The following SLC26A5 variants were observed in gnomAD, a reference collection of about 807,000 sequenced individuals.
The protein encoded by SLC26A5 is prestin.
SLC26A5 carries 51 observed loss-of-function variants against 81.0 expected under a neutral mutation model. That is an observed-to-expected ratio of 0.63 (90% CI 0.50 to 0.80). The LOEUF (loss-of-function observed/expected upper bound fraction) is 0.80, where lower values mean the gene tolerates loss of function less well. SLC26A5 is among the 30% of genes least tolerant of loss of function. SLC26A5 has a pLI of 0.00. For missense variants in SLC26A5, 771 were observed against 905.8 expected, an observed-to-expected ratio of 0.85 and a Z score of 1.91; for synonymous variants, 325 against 332.8, an observed-to-expected ratio of 0.98 and a Z score of 0.25.
intron 9 of SLC26A5, 136 bp from the exon 10 acceptor site, chr7:103,393,202 T>C: frequency 8.8e-7 from 1 of 1,139,896 alleles, no homozygotes; most frequent in Non-Finnish European, 1.2e-6. Context: ...TTATTTGCTC[T>C]GGTTGGCAAA....
chr7:103,390,978 G>A (rs190945363), intron 11 of SLC26A5, among the ~76,000 whole-genome samples: 10 of 150,508 alleles, frequency 6.6e-5, no homozygotes, highest in East Asian at 5.9e-4. Flanking sequence ...CGATTCTCCC[G>A]CCTCAGCCTC....
chr7:103,383,547 T>C (rs1291628359), intron 14 of SLC26A5, among the ~76,000 whole-genome samples: 10 of 152,216 alleles, frequency 6.6e-5, no homozygotes, highest in Non-Finnish European at 1.5e-4. Flanking sequence ...AAAGTCTCTT[T>C]TAATGAAATC....
intron 8 of SLC26A5, among the ~76,000 whole-genome samples, chr7:103,401,488 T>C (rs149631637): frequency 2.0e-5 from 3 of 152,318 alleles, no homozygotes; most frequent in African/African-American, 7.2e-5. Flanking sequence ...TTTCTAAATA[T>C]AAAATAATGT....
intron 3 of SLC26A5, 67 bp downstream of exon 3, chr7:103,421,296 A>C (rs943186441): frequency 6.5e-7 from 1 of 1,547,670 alleles, no homozygotes; most frequent in African/African-American, 1.4e-5. Context: ...TTTTCTTTAC[A>C]CATTTGACCT....
chr7:103,359,567 A>G (rs760267027), intron 19 of SLC26A5, among the ~76,000 whole-genome samples: 3 of 152,178 alleles, frequency 2.0e-5, no homozygotes, highest in Non-Finnish European at 4.4e-5. Flanking sequence ...TGGACATATC[A>G]TCTAAATGGA....
chr7:103,422,735 G>T (rs1825442000), intron 2 of SLC26A5, among the ~76,000 whole-genome samples: 1 of 152,146 alleles, frequency 6.6e-6, no homozygotes, highest in Non-Finnish European at 1.5e-5. Flanking sequence ...TTACATGATT[G>T]TACTTGTCTG....
intron 19 of SLC26A5, among the ~76,000 whole-genome samples, chr7:103,375,173 T>A (rs1449059667): frequency 6.7e-6 from 1 of 149,662 alleles, no homozygotes; most frequent in African/African-American, 2.4e-5. Flanking sequence ...TATATATATA[T>A]AAACTATATA....
At chr7:103,437,279 T>C (rs1338621245) in intron 2 of SLC26A5, among the ~76,000 whole-genome samples, 2 of 152,224 alleles carry the variant, frequency 1.3e-5, no homozygotes, top group African/African-American at 4.8e-5. Context: ...AGATGAATGA[T>C]AACAAGTGTT....
Position 103,408,016 on chromosome 7 carries a change from G to A in SLC26A5, c.736-13C>T. ...CAGCAACTGTACTCTGTAACACAGTGAATGCTGGATGTTTACATCAAGAAA... is the reference window on the plus strand; with the variant it reads ...CAGCAACTGTACTCTGTAACACAGTAAATGCTGGATGTTTACATCAAGAAA... On this transcript the variant is annotated splice_polypyrimidine_tract_variant and intron_variant, in intron 7 of 19. Coordinates refer to ENST00000306312, the MANE Select transcript of SLC26A5 (RefSeq NM_198999.3). 1 of 1,613,982 alleles carries A rather than the reference G, an allele frequency of 6.2e-7. No individual in the cohort carries two copies. The highest frequency in any genetic ancestry group is 1.1e-5 in the South Asian group (1 of 91,062).
intron 14 of SLC26A5, among the ~76,000 whole-genome samples, chr7:103,388,213 T>C (rs563028250): frequency 6.7e-6 from 1 of 150,054 alleles, no homozygotes; most frequent in South Asian, 2.1e-4. Context: ...TTTTTTTTTT[T>C]TGAGATGGAG....
chr7:103,426,741 C>T (rs1415025835), intron 2 of SLC26A5, among the ~76,000 whole-genome samples: 2 of 152,040 alleles, frequency 1.3e-5, no homozygotes, highest in East Asian at 1.9e-4. Flanking sequence ...ATTAAAGCCT[C>T]GAAGGCTATC....
chr7:103,420,696 T>C (rs759066461), intron 4 of SLC26A5, 42 bp downstream of exon 4: 1 of 1,612,218 alleles, frequency 6.2e-7, no homozygotes, highest in South Asian at 1.1e-5. Flanking sequence ...CAAGCAATTG[T>C]TTGAGGACAG....
intron 19 of SLC26A5, among the ~76,000 whole-genome samples, chr7:103,363,712 T>A (rs1820540104): frequency 6.6e-6 from 1 of 152,190 alleles, no homozygotes; most frequent in African/African-American, 2.4e-5. Flanking sequence ...GTTAAATATG[T>A]TACAGGCTAT....
Position 103,391,712 on chromosome 7 carries a change from G to A in SLC26A5, c.1143C>T (p.Cys381=). ...TCTGGAAGAGTGAGCCAATGGAATT[G>A]CACAGTCCCAGGGCAATGAGCTCCT... ...GNQELIALGL[C]NSIGSLFQTF... The change falls in exon 11 of 20, where the codon TGC becomes TGT. Residue 381 remains cysteine (C), a synonymous_variant. Transcript: ENST00000306312. The A allele has an allele frequency of 6.2e-7, 1 of 1,613,998 alleles. No homozygotes were observed. The highest frequency in any genetic ancestry group is 2.2e-5 in the East Asian group (1 of 44,880).
At chr7:103,391,456 G>C (rs1331085712) in intron 11 of SLC26A5, among the ~76,000 whole-genome samples, 166 bp downstream of exon 11, 1 of 152,174 alleles carries the variant, frequency 6.6e-6, no homozygotes, top group Non-Finnish European at 1.5e-5. Flanking sequence ...TCAGTTCCTT[G>C]TGATTCACTT....
At chr7:103,428,315 T>G (rs1825838855) in intron 2 of SLC26A5, among the ~76,000 whole-genome samples, 1 of 152,176 alleles carries the variant, frequency 6.6e-6, no homozygotes, top group African/African-American at 2.4e-5. Flanking sequence ...GGCTAAAAAA[T>G]GCTTGCTGAA....
chr7:103,354,365 A>ATTT (rs752847513), intron 19 of SLC26A5, among the ~76,000 whole-genome samples: 1 of 134,536 alleles, frequency 7.4e-6, no homozygotes, highest in Non-Finnish European at 1.6e-5. Flanking sequence ...TTCACACACG[A>ATTT]TTTTTTTTTT....
chr7:103,404,450 T>C (rs748351355), intron 8 of SLC26A5, among the ~76,000 whole-genome samples: 18 of 152,154 alleles, frequency 1.2e-4, no homozygotes, highest in Non-Finnish European at 1.9e-4. Flanking sequence ...TGAAGCTTAG[T>C]TTGGCTGGAT....
chr7:103,383,310 G>C (rs996658789), intron 14 of SLC26A5, among the ~76,000 whole-genome samples: 2 of 152,190 alleles, frequency 1.3e-5, no homozygotes, highest in Non-Finnish European at 2.9e-5. Context: ...ATGGACACAC[G>C]CAAGGTGCTA....
Sources: gnomAD v4.1 joint callset for allele counts (sites outside exome capture counted in the v4.1 genomes callset) on GRCh38, gnomAD v4.1.1 for gene constraint, MANE v1.5 for transcripts, NCBI Gene and HGNC (gene_info 2026-07-23, HGNC 2026-07-21) for gene names.